Variants in FGF14 observed in about 807,000 individuals in gnomAD.
The protein encoded by FGF14 is fibroblast growth factor homologous factor 4.
FGF14 carries 5 observed loss-of-function variants against 25.5 expected under a neutral mutation model. That is an observed-to-expected ratio of 0.20 (90% CI 0.10 to 0.41). The LOEUF is 0.41. Among genes scored for constraint, FGF14 ranks in the 10% least tolerant of loss-of-function variants. The pLI is 1.00. For missense variants in FGF14, 222 were observed against 320.1 expected, an observed-to-expected ratio of 0.69 and a Z score of 2.34; for synonymous variants, 138 against 118.3, an observed-to-expected ratio of 1.17 and a Z score of -1.08.
intron 1 of FGF14, chr13:102,292,418 A>G: frequency 6.6e-6 from 1 of 152,162 alleles, no homozygotes; most frequent in Non-Finnish European, 1.5e-5. Context: ...GGAAAGAGTA[A>G]GATCAGTATC....
rs1295556868 is a variant in FGF14 at position 101,719,017 on chromosome 13, A to C, written c.*3814T>G. 6.6e-6 allele frequency: 1 copy of C among 152,070 alleles called. No homozygotes were observed. Among genetic ancestry groups the C allele is most frequent in the African/African-American group, 2.4e-5 (1 of 41,418 alleles). The allele number at this position is 152,070 out of a possible 1,614,324, so 9.4% of individuals were successfully genotyped here. On this transcript the variant is annotated 3_prime_UTR_variant, in exon 5 of 5. Transcript: ENST00000376143. ...GATTTAGCCCAGTCGCTTTCCCTTGATATAGCCTTGTTCTGAATTAAAATG... is the reference window on the plus strand; with the variant it reads ...GATTTAGCCCAGTCGCTTTCCCTTGCTATAGCCTTGTTCTGAATTAAAATG...
chr13:102,317,023 TTTCC>T (rs2056058136), intron 1 of FGF14, among the ~76,000 whole-genome samples: 2 of 152,132 alleles, frequency 1.3e-5, no homozygotes, highest in Admixed American at 6.5e-5. Flanking sequence ...TTTGGGCCAT[TTTCC>T]ATTCATTAAT....
intron 1 of FGF14, among the ~76,000 whole-genome samples, chr13:102,360,856 C>T (rs1006487458): frequency 1.3e-5 from 2 of 152,038 alleles, no homozygotes; most frequent in African/African-American, 4.8e-5. Context: ...CTGGACAGTA[C>T]ACATACTTGT....
At chr13:101,755,212 GT>G (rs991927281) in intron 3 of FGF14, among the ~76,000 whole-genome samples, 3 of 152,142 alleles carry the variant, frequency 2.0e-5, no homozygotes, top group African/African-American at 7.2e-5. Flanking sequence ...CGTTAGCTAC[GT>G]TTTTTCACAA....
At chr13:102,323,957 A>ATG (rs3066051) in intron 1 of FGF14, among the ~76,000 whole-genome samples, 23,985 of 136,216 alleles carry the variant, frequency 0.18, 2,365 homozygotes, top group Non-Finnish European at 0.23. Context: ...AACGTGCAGT[A>ATG]TGTGTGTGTG....
chr13:101,881,780 G>A (rs577754314), intron 1 of FGF14, among the ~76,000 whole-genome samples: 45 of 152,272 alleles, frequency 3.0e-4, no homozygotes, highest in Admixed American at 5.9e-4. Flanking sequence ...CTGGTGTGTC[G>A]CTCAAGTGCC....
At chr13:101,959,867 G>T (rs66925752) in intron 1 of FGF14, among the ~76,000 whole-genome samples, 2 of 151,934 alleles carry the variant, frequency 1.3e-5, no homozygotes, top group Non-Finnish European at 1.5e-5. Context: ...GTCTCTGCTC[G>T]GTATATAACA....
Position 101,773,226 on chromosome 13 carries a change from T to C in FGF14, c.409-46416A>G, listed in dbSNP as rs534931645. Among the ~76,000 whole-genome samples the C allele has an allele frequency of 5.3e-5, 8 of 152,294 alleles. No homozygotes were observed. In the South Asian group the frequency reaches 1.2e-3, roughly 24 times the overall value. ...TCGCATTTTAAAACATATTGAATTA[T>C]AAAACTTTTAATGCAGGGAAATCCC... On this transcript the variant is annotated intron_variant, in intron 3 of 4. Coordinates refer to ENST00000376143, the MANE Select transcript of FGF14 (RefSeq NM_004115.4).
intron 1 of FGF14, among the ~76,000 whole-genome samples, chr13:102,011,491 G>A (rs571832734): frequency 6.8e-6 from 1 of 146,964 alleles, no homozygotes; most frequent in Non-Finnish European, 1.5e-5. Flanking sequence ...CCATACGCAG[G>A]AGTATGAAGC....
At chr13:102,150,534 G>T (rs932363928) in intron 1 of FGF14, among the ~76,000 whole-genome samples, 11 of 151,940 alleles carry the variant, frequency 7.2e-5, no homozygotes, top group Non-Finnish European at 8.8e-5. Flanking sequence ...GTCGTTATTT[G>T]TCCTATGATT....
chr13:101,825,350 G>C (rs1404268922), intron 3 of FGF14, among the ~76,000 whole-genome samples: 1 of 152,192 alleles, frequency 6.6e-6, no homozygotes, highest in Non-Finnish European at 1.5e-5. Context: ...AAAGATTCTT[G>C]AGAGTATACT....
In FGF14 at chr13:102,374,160, A is replaced by G. The variant is rs138040680; in HGVS notation, c.208+27311T>C. ...CTTTGGATATACAAATTAGGAATAC[A>G]TCGTTACAGTCATTCTTTCTAGATG... is the stretch of plus-strand genomic sequence containing the variant. On this transcript the variant is annotated intron_variant, in intron 1 of 4. Transcript: ENST00000376131. Among the ~76,000 whole-genome samples the G allele has an allele frequency of 7.0e-4, 107 of 152,276 alleles. No individual in the cohort carries two copies. The East Asian group carries it at 0.016, about 23-fold the overall frequency.
intron 3 of FGF14, among the ~76,000 whole-genome samples, chr13:101,844,194 T>C (rs1244122543): frequency 6.6e-6 from 1 of 152,012 alleles, no homozygotes; most frequent in African/African-American, 2.4e-5. Flanking sequence ...AAATACATCT[T>C]TGTATTGCTA....
Position 102,086,774 on chromosome 13 carries a change from C to T in FGF14, c.209-211478G>A, listed in dbSNP as rs149371558. ...CCCAATTTAGAAGGGGAAAGATGTT[C>T]ATTTTTCTTAATGTGTGATGGAATT... On this transcript the variant is annotated intron_variant, in intron 1 of 4. Coordinates refer to the FGF14 transcript ENST00000376131. Among the ~76,000 whole-genome samples, 37 of 152,278 alleles carry T rather than the reference C, an allele frequency of 2.4e-4. No homozygotes were observed. The East Asian group carries it at 5.8e-3, about 24-fold the overall frequency.
At chr13:102,092,028 C>T (rs2044187805) in intron 1 of FGF14, among the ~76,000 whole-genome samples, 1 of 152,120 alleles carries the variant, frequency 6.6e-6, no homozygotes. Context: ...ATAATAAATG[C>T]AACAGCTACT....
chr13:102,149,731 C>T (rs531267259), intron 1 of FGF14, among the ~76,000 whole-genome samples: 1 of 152,266 alleles, frequency 6.6e-6, no homozygotes, highest in Non-Finnish European at 1.5e-5. Flanking sequence ...GCGACGAAGT[C>T]GAGGGACATC....
rs573869851 is a variant in FGF14, at chr13:101,954,830, A to C, written c.209-79534T>G. Among the ~76,000 whole-genome samples, 4 of 152,358 alleles carry C rather than the reference A, an allele frequency of 2.6e-5. No individual in the cohort carries two copies. In the South Asian group the frequency reaches 8.3e-4, roughly 32 times the overall value. On this transcript the variant is annotated intron_variant, in intron 1 of 4. Coordinates refer to the FGF14 transcript ENST00000376131. ...GCTATGAGAATTCAGAGACTGAAGG[A>C]AATCAGTATTGGAAGTGGCTGTTAA...
At chr13:102,202,881 C>G (rs1209672541) in intron 1 of FGF14, among the ~76,000 whole-genome samples, 1 of 152,118 alleles carries the variant, frequency 6.6e-6, no homozygotes, top group Non-Finnish European at 1.5e-5. Flanking sequence ...TTTAATGCCC[C>G]GTCCAAAACT....
At chr13:102,343,889 T>C (rs1181225045) in intron 1 of FGF14, among the ~76,000 whole-genome samples, 1 of 152,222 alleles carries the variant, frequency 6.6e-6, no homozygotes, top group African/African-American at 2.4e-5. Context: ...TCCCTGACTA[T>C]ACTACTAAAT....
Sources: allele counts gnomAD v4.1 joint callset (sites outside exome capture counted in the v4.1 genomes callset), GRCh38; gene constraint gnomAD v4.1.1; transcripts MANE v1.5; gene names NCBI Gene and HGNC (gene_info 2026-07-23, HGNC 2026-07-21).